The following GCC2 variants were observed in gnomAD, a reference collection of about 807,000 sequenced individuals.
The protein encoded by GCC2 is GRIP and coiled-coil domain containing 2.
GCC2 carries 120 observed loss-of-function variants against 210.6 expected under a neutral mutation model. The observed-to-expected ratio is 0.57, with a 90% confidence interval of 0.49 to 0.66. GCC2 has a LOEUF of 0.66. GCC2 is among the 30% of genes least tolerant of loss of function. The pLI is 0.00. For missense variants in GCC2, 1,868 were observed against 1,871.9 expected (o/e 1.00, Z 0.04); for synonymous variants, 703 against 652.7 (o/e 1.08, Z -1.17).
chr2:108,507,515 T>A (rs767790715), intron 22 of GCC2, 45 bp from the exon 23 acceptor site: 1 of 1,417,280 alleles, frequency 7.1e-7, no homozygotes, highest in South Asian at 1.2e-5. Context: ...TAATACTCTC[T>A]TTTTTCTTTT....
At position 108,495,282 on chromosome 2, in the gene GCC2, A is replaced by T. The variant is rs1682594393; in HGVS notation, c.4448-9A>T. ...ATCTCACACTTAACCTTTTAAAAAAATCTAATAGGCCCAGTTTCCTCTCAA... is the reference window on the plus strand; with the variant it reads ...ATCTCACACTTAACCTTTTAAAAAATTCTAATAGGCCCAGTTTCCTCTCAA... On this transcript the variant is annotated splice_polypyrimidine_tract_variant and intron_variant, in intron 19 of 22. Coordinates refer to ENST00000309863, the MANE Select transcript of GCC2 (RefSeq NM_181453.4). 1 of 1,568,724 alleles carries T rather than the reference A, an allele frequency of 6.4e-7. No individual in the cohort carries two copies. The highest frequency in any genetic ancestry group is 8.6e-7 in the Non-Finnish European group (1 of 1,160,738).
Position 108,471,946 on chromosome 2 carries a change from C to G in GCC2, c.2617C>G (p.Leu873Val). 1 of 1,603,586 alleles carries G rather than the reference C, an allele frequency of 6.2e-7. No individual in the cohort carries two copies. Residue 873 changes from leucine to valine, a missense_variant, in exon 6 of 23, where the codon CTT becomes GTT. By Grantham distance (32) the Leu-to-Val change is conservative. Coordinates refer to ENST00000309863, the MANE Select transcript of GCC2 (RefSeq NM_181453.4). ...GAAGAATGCTAATGAAAAAACAAGG[C>G]TTGAAAATCAGAATCTTTTAATTCA... ...EMKNANEKTR[L>V]ENQNLLIQVE...
intron 22 of GCC2, among the ~76,000 whole-genome samples, chr2:108,501,280 C>T (rs1442856158): frequency 6.6e-6 from 1 of 152,030 alleles, no homozygotes; most frequent in African/African-American, 2.4e-5. Flanking sequence ...CCACCACGCC[C>T]AGCCATTTTG....
intron 10 of GCC2, 96 bp downstream of exon 10, chr2:108,481,912 CAG>C: frequency 1.1e-6 from 1 of 881,938 alleles, no homozygotes; most frequent in Non-Finnish European, 1.7e-6. Flanking sequence ...TAGTCGGAAA[CAG>C]AATTTATTCC....
intron 4 of GCC2, among the ~76,000 whole-genome samples, chr2:108,462,258 C>T (rs1425425364): frequency 4.8e-5 from 7 of 147,340 alleles, no homozygotes; most frequent in African/African-American, 9.9e-5. Context: ...TTTGGGAGGC[C>T]GAGGCGGGCA....
At chr2:108,463,202 C>A (rs1680700452) in intron 4 of GCC2, among the ~76,000 whole-genome samples, 3 of 151,914 alleles carry the variant, frequency 2.0e-5, no homozygotes, top group African/African-American at 7.3e-5. Context: ...TTATGAATTT[C>A]TTTTAGATTG....
rs377405233 is a variant in GCC2, at chr2:108,486,641, C to T, written c.3923C>T (p.Ala1308Val). 97 of 1,611,404 alleles carry T rather than the reference C, an allele frequency of 6.0e-5. No homozygotes were observed. Among genetic ancestry groups the T allele is most frequent in the Non-Finnish European group, 8.1e-5 (95 of 1,178,966 alleles). Reference protein sequence around the residue: ...RVTALQEECRAAKAEQATVTS... With the variant: ...RVTALQEECRVAKAEQATVTS... ...ACAGCACTACAGGAAGAGTGCCGTG[C>T]TGCCAAGGTGCGTTCTTCAGGGCAG... Residue 1308 changes from alanine (A) to valine (V), a missense_variant, in exon 16 of 23, where the codon GCT becomes GTT. Coordinates refer to ENST00000309863, the MANE Select transcript of GCC2 (RefSeq NM_181453.4).
chr2:108,449,932 TC>T, intron 2 of GCC2: 1 of 525,274 alleles, frequency 1.9e-6, no homozygotes. Context: ...CTGCTATTTT[TC>T]GAACATAAAG....
chr2:108,499,044 C>G (rs1682788051), intron 21 of GCC2, among the ~76,000 whole-genome samples: 1 of 116,458 alleles, frequency 8.6e-6, no homozygotes, highest in African/African-American at 3.0e-5. Context: ...GCTTCTGAGA[C>G]AAGAACCCCA....
chr2:108,507,700 C>G lies in GCC2; in HGVS notation c.*70C>G. 2.8e-6 allele frequency: 3 copies of G among 1,089,270 alleles called. No homozygotes were observed. The East Asian group carries it at 7.2e-5, about 26-fold the overall frequency. 67.5% of individuals were successfully genotyped at this position (1,089,270 alleles called of 1,614,324 possible). A position where few individuals can be genotyped will look rare whatever the true frequency, so the allele number is the denominator to read the frequency against. On this transcript the variant is annotated 3_prime_UTR_variant, in exon 23 of 23. Transcript: ENST00000309863. ...CAAAAATGGTTCACGTATATTACCACAATTCTTTTGTCAAAAAGTGTGTAT... is the reference window on the plus strand; with the variant it reads ...CAAAAATGGTTCACGTATATTACCAGAATTCTTTTGTCAAAAAGTGTGTAT...
At chr2:108,486,835 A>C (rs771939767) in intron 16 of GCC2, among the ~76,000 whole-genome samples, 187 bp downstream of exon 16, 3 of 152,196 alleles carry the variant, frequency 2.0e-5, no homozygotes, top group Non-Finnish European at 2.9e-5. Flanking sequence ...AAGTTGGATC[A>C]CTTTTTTTGC....
At chr2:108,488,118 G>C (rs1254858386) in intron 17 of GCC2, among the ~76,000 whole-genome samples, 1 of 151,880 alleles carries the variant, frequency 6.6e-6, no homozygotes, top group Non-Finnish European at 1.5e-5. Context: ...TGTTGGCCAG[G>C]CTGGTCTCAA....
At chr2:108,466,265 T>G (rs1344388258) in intron 4 of GCC2, among the ~76,000 whole-genome samples, 3 of 152,074 alleles carry the variant, frequency 2.0e-5, no homozygotes, top group Non-Finnish European at 4.4e-5. Flanking sequence ...ACAGTCTTGA[T>G]CTCCTGACCT....
At chr2:108,455,366 G>A (rs2683800) in intron 4 of GCC2, among the ~76,000 whole-genome samples, 28,799 of 151,942 alleles carry the variant, frequency 0.19, 3,080 homozygotes, top group African/African-American at 0.27. Flanking sequence ...TTGAACCGAG[G>A]AGGCAGAGGT....
At position 108,470,515 on chromosome 2, in the gene GCC2, G is replaced by A; in HGVS notation, c.1186G>A (p.Glu396Lys). The A allele has an allele frequency of 1.2e-6, 2 of 1,609,482 alleles. No individual in the cohort carries two copies. The highest frequency in any genetic ancestry group is 1.7e-6 in the Non-Finnish European group (2 of 1,178,176). The change falls in exon 6 of 23, where the codon GAA becomes AAA. Residue 396 changes from glutamate to lysine, a missense_variant. Transcript: ENST00000309863. The part of the protein sequence containing the change: ...KINELLLAKE[E>K]QGCVIEKLKS... The stretch of plus-strand genomic sequence containing the variant: ...TAATGAATTATTACTAGCTAAAGAA[G>A]AACAGGGCTGTGTAATTGAAAAATT...
At position 108,484,401 on chromosome 2, in the gene GCC2, C is replaced by T. The variant is rs1036807059; in HGVS notation, c.3613+90C>T. 1.1e-5 allele frequency: 8 copies of T among 699,004 alleles called. No individual in the cohort carries two copies. The African/African-American group carries it at 1.5e-4, about 13-fold the overall frequency. 43.3% of individuals were successfully genotyped at this position (699,004 alleles called of 1,614,324 possible). On this transcript the variant is annotated intron_variant, in intron 13 of 22. Coordinates refer to ENST00000309863, the MANE Select transcript of GCC2 (RefSeq NM_181453.4). ...GGCATTACTTGTTTATTTCACCAGT[C>T]TTTCACTGTCAGTCAGGTGTTTAAC...
Position 108,471,337 on chromosome 2 carries a change from A to C in GCC2, c.2008A>C (p.Met670Leu), listed in dbSNP as rs757826462. 2.9e-5 allele frequency: 47 copies of C among 1,611,962 alleles called. No homozygotes were observed. Among genetic ancestry groups the C allele is most frequent in the Non-Finnish European group, 3.8e-5 (45 of 1,179,328 alleles). The change falls in exon 6 of 23, where the codon ATG becomes CTG. Residue 670 changes from methionine (M) to leucine (L), a missense_variant. Transcript: ENST00000309863. ...DQNDQKLEKL[M>L]VQMKVLSEDK... The stretch of plus-strand genomic sequence containing the variant: ...AAATGACCAAAAACTAGAAAAACTT[A>C]TGGTTCAAATGAAAGTTCTCTCTGA...
rs1246928493 is a variant in GCC2 at position 108,449,266 on chromosome 2, C to G, written c.-9C>G. ...CGGCTGGTTGCGGGCCGGCGGCGGG[C>G]TGGCGGAGATGGAGGTAACTCAGGT... On this transcript the variant is annotated 5_prime_UTR_variant, in exon 1 of 23. Coordinates refer to ENST00000309863, the MANE Select transcript of GCC2 (RefSeq NM_181453.4). 3 of 1,549,272 alleles carry G rather than the reference C, an allele frequency of 1.9e-6. No individual in the cohort carries two copies. The highest frequency in any genetic ancestry group is 2.6e-6 in the Non-Finnish European group (3 of 1,145,340).
In GCC2 at chr2:108,492,621, A is replaced by G. The variant is rs368044415; in HGVS notation, c.4278A>G (p.Thr1426=). Reference sequence around the variant, plus strand: ...ACATGATGATGAAATCTGAACATACACAGACTGTGAGTCAGCTAACATCCC... The same window carrying G: ...ACATGATGATGAAATCTGAACATACGCAGACTGTGAGTCAGCTAACATCCC... ...SENMMMKSEH[T]QTVSQLTSQN... Residue 1426 remains threonine (T), a synonymous_variant, in exon 19 of 23, where the codon ACA becomes ACG. Coordinates refer to ENST00000309863, the MANE Select transcript of GCC2 (RefSeq NM_181453.4). 6.2e-7 allele frequency: 1 copy of G among 1,613,868 alleles called. No individual in the cohort carries two copies. The highest frequency in any genetic ancestry group is 2.2e-5 in the East Asian group (1 of 44,886).
Sources: gnomAD v4.1 joint callset for allele counts (sites outside exome capture counted in the v4.1 genomes callset) on GRCh38, gnomAD v4.1.1 for gene constraint, MANE v1.5 for transcripts, NCBI Gene and HGNC (gene_info 2026-07-23, HGNC 2026-07-21) for gene names.